The following NT5E variants were observed in gnomAD, a reference collection of about 807,000 sequenced individuals.
NT5E encodes 5'-nucleotidase.
NT5E carries 53 observed loss-of-function variants against 55.1 expected under a neutral mutation model. The ratio of observed to expected loss-of-function variants is 0.96; its 90% confidence interval spans 0.77 to 1.21. The LOEUF (loss-of-function observed/expected upper bound fraction) is 1.21, where lower values mean the gene tolerates loss of function less well. Among genes scored for constraint, NT5E ranks in the 50% most tolerant of loss-of-function variants. The probability of loss-of-function intolerance (pLI) is 0.00; values close to 1 mark genes in which losing one functional copy is unlikely to be tolerated. For missense variants in NT5E, 683 were observed against 724.3 expected, an observed-to-expected ratio of 0.94 and a Z score of 0.65; for synonymous variants, 270 against 278.4, an observed-to-expected ratio of 0.97 and a Z score of 0.30.
chr6:85,475,899 A>C (rs1219330298), intron 3 of NT5E, among the ~76,000 whole-genome samples: 1 of 152,200 alleles, frequency 6.6e-6, no homozygotes, highest in Non-Finnish European at 1.5e-5. Context: ...AGAGCCTGAA[A>C]GCTTACTTTT....
intron 1 of NT5E, among the ~76,000 whole-genome samples, chr6:85,457,972 G>C (rs1225547686): frequency 6.6e-6 from 1 of 152,154 alleles, no homozygotes; most frequent in African/African-American, 2.4e-5. Context: ...TTGAGCTAAA[G>C]ATCTGGTCTG....
At chr6:85,455,325 G>A (rs1364608979) in intron 1 of NT5E, among the ~76,000 whole-genome samples, 2 of 152,192 alleles carry the variant, frequency 1.3e-5, no homozygotes, top group East Asian at 3.8e-4. Flanking sequence ...TCACCAGCAA[G>A]TCCAAGAGAT....
chr6:85,476,626 G>A (rs765264270), intron 3 of NT5E, among the ~76,000 whole-genome samples: 3 of 152,192 alleles, frequency 2.0e-5, no homozygotes, highest in African/African-American at 4.8e-5. Flanking sequence ...GGAAGGATCA[G>A]CTTGCACGAA....
chr6:85,476,610 C>CA (rs1177378477), intron 3 of NT5E, among the ~76,000 whole-genome samples: 1 of 152,196 alleles, frequency 6.6e-6, no homozygotes, highest in Non-Finnish European at 1.5e-5. Context: ...TCTTGTTCAG[C>CA]AACCAGGAAG....
intron 1 of NT5E, among the ~76,000 whole-genome samples, chr6:85,455,592 T>C (rs1464039838): frequency 6.6e-6 from 1 of 152,164 alleles, no homozygotes; most frequent in East Asian, 1.9e-4. Flanking sequence ...AATAAACCAA[T>C]GAGTGAGTTC....
chr6:85,492,771 TC>T (rs1454500725), intron 8 of NT5E, among the ~76,000 whole-genome samples: 3 of 152,172 alleles, frequency 2.0e-5, no homozygotes, highest in Non-Finnish European at 1.5e-5. Flanking sequence ...AGGACACACT[TC>T]CCCTTCCTCT....
At chr6:85,487,232 A>T in intron 4 of NT5E, 103 bp from the exon 5 acceptor site, 1 of 1,095,828 alleles carries the variant, frequency 9.1e-7, no homozygotes, top group South Asian at 1.3e-5. Flanking sequence ...TGGTAAACAA[A>T]TATGTTCTCA....
chr6:85,485,120 A>G, intron 3 of NT5E, 115 bp from the exon 4 acceptor site: 1 of 988,330 alleles, frequency 1.0e-6, no homozygotes, highest in Non-Finnish European at 1.6e-6. Context: ...ATGTAGAGCA[A>G]CAGATGGCAA....
rs368159135 is a variant in NT5E, at chr6:85,491,972, T to G, written c.1361-5T>G. The G allele has an allele frequency of 8.7e-6, 14 of 1,613,304 alleles. No homozygotes were observed. Among genetic ancestry groups the G allele is most frequent in the Non-Finnish European group, 1.1e-5 (13 of 1,179,332 alleles). ...CTGGTGAAAACAGATTCATTTCTTTTCTAGGAATCCATGTGGTGTATGATC... is the reference window on the plus strand; with the variant it reads ...CTGGTGAAAACAGATTCATTTCTTTGCTAGGAATCCATGTGGTGTATGATC... On this transcript the variant is annotated splice_region_variant and splice_polypyrimidine_tract_variant and intron_variant, in intron 7 of 8. Transcript: ENST00000257770.
rs112152780 is a variant in NT5E, at chr6:85,455,658, G to T, written c.339+5180G>T. ...CAAGGAGGAAGTAATGGAAACCCCT[G>T]ATTTATAGCCATTCAGCCAGAAGCA... On this transcript the variant is annotated intron_variant, in intron 1 of 8. Transcript: ENST00000257770. Among the ~76,000 whole-genome samples, 1,060 of 152,324 alleles carry T rather than the reference G, an allele frequency of 7.0e-3. 12 individuals carry two copies. The highest frequency in any genetic ancestry group is 0.011 in the Non-Finnish European group (774 of 68,030).
intron 1 of NT5E, among the ~76,000 whole-genome samples, chr6:85,454,770 G>A (rs1482926120): frequency 2.0e-5 from 3 of 152,140 alleles, no homozygotes; most frequent in African/African-American, 7.2e-5. Flanking sequence ...GAAATTCAGA[G>A]ATCACCACGG....
At position 85,467,091 on chromosome 6, in the gene NT5E, T is replaced by A; in HGVS notation, c.371T>A (p.Val124Glu). ...ALGNHEFDNG[V>E]EGLIEPLLKE... ...GGAAATCATGAATTTGATAATGGTG[T>A]GGAAGGACTGATCGAGCCACTCCTC... Residue 124 changes from valine to glutamate, a missense_variant, in exon 2 of 9, where the codon GTG (valine) becomes GAG (glutamate). Coordinates refer to ENST00000257770, the MANE Select transcript of NT5E (RefSeq NM_002526.4). The A allele has an allele frequency of 6.2e-7, 1 of 1,614,134 alleles. No individual in the cohort carries two copies. Among genetic ancestry groups the A allele is most frequent in the East Asian group, 2.2e-5 (1 of 44,870 alleles).
At chr6:85,451,706 G>A (rs1157304093) in intron 1 of NT5E, among the ~76,000 whole-genome samples, 2 of 152,180 alleles carry the variant, frequency 1.3e-5, no homozygotes, top group Non-Finnish European at 2.9e-5. Flanking sequence ...TGATTAGGCT[G>A]GGATACAGAA....
chr6:85,461,866 C>T (rs1321348099), intron 1 of NT5E, among the ~76,000 whole-genome samples: 3 of 152,104 alleles, frequency 2.0e-5, no homozygotes, highest in Admixed American at 1.3e-4. Flanking sequence ...GTAACTGCTC[C>T]TTCTGCCCCC....
chr6:85,493,031 G>A (rs1327694948), intron 8 of NT5E, among the ~76,000 whole-genome samples: 1 of 152,174 alleles, frequency 6.6e-6, no homozygotes, highest in Non-Finnish European at 1.5e-5. Context: ...ATGAGACAAA[G>A]AGGCTGATAG....
chr6:85,471,526 ATGTAATGTATATTATATGATC>A, intron 3 of NT5E, 101 bp downstream of exon 3: 1 of 803,914 alleles, frequency 1.2e-6, no homozygotes, highest in Non-Finnish European at 2.0e-6. Flanking sequence ...GCTATTTAAT[ATGTAATGTATATTATATGATC>A]TATAATATAT....
At chr6:85,465,397 T>C (rs1324953764) in intron 1 of NT5E, among the ~76,000 whole-genome samples, 1 of 152,162 alleles carries the variant, frequency 6.6e-6, no homozygotes, top group East Asian at 1.9e-4. Flanking sequence ...AAAGTGATTG[T>C]ACTATAACAA....
Position 85,467,200 on chromosome 6 carries a change from A to G in NT5E, c.480A>G (p.Pro160=). The G allele has an allele frequency of 1.2e-6, 2 of 1,614,194 alleles. No homozygotes were observed. The highest frequency in any genetic ancestry group is 1.7e-6 in the Non-Finnish European group (2 of 1,180,024). ...CTCAAATATCAGGACTTTATTTGCC[A>G]TATAAAGTTCTTCCTGTTGGTGATG... ...LASQISGLYL[P]YKVLPVGDEV... is the part of the protein sequence containing the mutation. The change falls in exon 2 of 9, where the codon CCA becomes CCG. Residue 160 remains proline (P), a synonymous_variant. Transcript: ENST00000257770.
At chr6:85,466,999 A>T in intron 1 of NT5E, 61 bp from the exon 2 acceptor site, 1 of 1,467,750 alleles carries the variant, frequency 6.8e-7, no homozygotes, top group Non-Finnish European at 9.5e-7. Context: ...TTTGAGAAAT[A>T]CTGGACTAAT....
Sources: gnomAD v4.1 joint callset for allele counts (sites outside exome capture counted in the v4.1 genomes callset) on GRCh38, gnomAD v4.1.1 for gene constraint, MANE v1.5 for transcripts, NCBI Gene and HGNC (gene_info 2026-07-23, HGNC 2026-07-21) for gene names.